The following CNTNAP4 variants were observed in gnomAD, a reference collection of about 807,000 sequenced individuals.
CNTNAP4 encodes the protein contactin associated protein family member 4, also known as contactin-associated protein-like 4.
A neutral mutation model predicts 148.4 loss-of-function variants in CNTNAP4; 98 were observed. The observed-to-expected ratio is 0.66, with a 90% CI of 0.56 to 0.78. The LOEUF is 0.78. Among genes scored for constraint, CNTNAP4 ranks in the 30% least tolerant of loss-of-function variants. The pLI is 0.00. For missense variants in CNTNAP4, 1,935 were observed against 1,565.6 expected (o/e 1.24, Z -3.98); for synonymous variants, 730 against 565.1 (o/e 1.29, Z -4.14).
intron 2 of CNTNAP4, among the ~76,000 whole-genome samples, chr16:76,344,199 C>CAT (rs58551609): frequency 0.033 from 4,951 of 149,588 alleles, 238 homozygotes; most frequent in African/African-American, 0.1. Flanking sequence ...TACATACACA[C>CAT]ATATATATAT....
intron 3 of CNTNAP4, among the ~76,000 whole-genome samples, chr16:76,388,541 C>T (rs2016698648): frequency 6.6e-6 from 1 of 152,132 alleles, no homozygotes; most frequent in African/African-American, 2.4e-5. Context: ...AGGTAAAATG[C>T]ACACAAAGTA....
At chr16:76,433,278 G>A (rs1204594304) in intron 4 of CNTNAP4, among the ~76,000 whole-genome samples, 1 of 152,240 alleles carries the variant, frequency 6.6e-6, no homozygotes, top group African/African-American at 2.4e-5. Flanking sequence ...CAGGAATAAA[G>A]GTTAGCCTAC....
chr16:76,395,104 C>T (rs1041848412), intron 3 of CNTNAP4, among the ~76,000 whole-genome samples: 3 of 152,228 alleles, frequency 2.0e-5, no homozygotes, highest in East Asian at 3.9e-4. Flanking sequence ...TCCCAATGAC[C>T]ATCATGACAA....
intron 15 of CNTNAP4, among the ~76,000 whole-genome samples, chr16:76,517,529 T>A (rs905589000): frequency 2.0e-5 from 3 of 152,238 alleles, no homozygotes; most frequent in African/African-American, 4.8e-5. Context: ...TGCTTCGGCA[T>A]TTCTAAATTT....
At chr16:76,315,155 A>G (rs775676504) in intron 1 of CNTNAP4, among the ~76,000 whole-genome samples, 15 of 152,078 alleles carry the variant, frequency 9.9e-5, no homozygotes, top group Non-Finnish European at 1.9e-4. Flanking sequence ...GCCATTGGGT[A>G]TCTGGTCGTT....
At chr16:76,470,482 A>AATATATATATATATAT (rs67354977) in intron 10 of CNTNAP4, among the ~76,000 whole-genome samples, 32 of 96,988 alleles carry the variant, frequency 3.3e-4, no homozygotes, top group African/African-American at 9.5e-4. Context: ...CTCTACTAAT[A>AATATATATATATATAT]ATATATATAT....
At chr16:76,451,271 C>G (rs913717533) in intron 7 of CNTNAP4, among the ~76,000 whole-genome samples, 2 of 152,152 alleles carry the variant, frequency 1.3e-5, no homozygotes, top group African/African-American at 4.8e-5. Flanking sequence ...CCCAAGCTCT[C>G]TTTTTTGGCT....
At chr16:76,518,487 T>A (rs1219898594) in intron 15 of CNTNAP4, among the ~76,000 whole-genome samples, 1 of 152,290 alleles carries the variant, frequency 6.6e-6, no homozygotes, top group East Asian at 1.9e-4. Context: ...AATGATGTAG[T>A]TTAGAGAATT....
chr16:76,316,955 A>G (rs543929916), intron 2 of CNTNAP4, among the ~76,000 whole-genome samples: 11 of 152,270 alleles, frequency 7.2e-5, no homozygotes, highest in African/African-American at 2.4e-4. Flanking sequence ...GGAACATAAT[A>G]AGATTTTCAT....
In CNTNAP4 at chr16:76,519,035, C is replaced by A. The variant is rs142563324; in HGVS notation, c.2366-2105C>A. On this transcript the variant is annotated intron_variant, in intron 15 of 23. Transcript: ENST00000611870. ...TCCTTTCTCTGAGGTGGCCCAGATT[C>A]TGGTGGGTGTCTCTTAGCACAGGGG... 4.8e-3 allele frequency among the ~76,000 whole-genome samples: 732 copies of A among 152,292 alleles called. 6 individuals carry two copies. The highest frequency in any genetic ancestry group is 0.017 in the African/African-American group (711 of 41,568).
chr16:76,337,735 A>T (rs764251220), intron 2 of CNTNAP4, among the ~76,000 whole-genome samples: 2 of 152,150 alleles, frequency 1.3e-5, no homozygotes, highest in African/African-American at 4.8e-5. Flanking sequence ...CCTTATCTTC[A>T]ACTGCATAAG....
At position 76,397,430 on chromosome 16, in the gene CNTNAP4, T is replaced by G. The variant is rs539759712; in HGVS notation, c.391-30022T>G. 5.3e-5 allele frequency among the ~76,000 whole-genome samples: 8 copies of G among 152,118 alleles called. No homozygotes were observed. In the South Asian group the frequency reaches 1.7e-3, roughly 32 times the overall value. The stretch of plus-strand genomic sequence containing the variant: ...GGGACAAGCAGAAACAGTAACCATT[T>G]TCTCCTTTTCAAGGAGTTAGAGGGC... On this transcript the variant is annotated intron_variant, in intron 3 of 23. Transcript: ENST00000611870.
intron 3 of CNTNAP4, among the ~76,000 whole-genome samples, chr16:76,382,459 C>T (rs2144707909): frequency 6.6e-6 from 1 of 152,116 alleles, no homozygotes; most frequent in African/African-American, 2.4e-5. Flanking sequence ...AAATATTGTG[C>T]TGTGACTCAG....
intron 15 of CNTNAP4, among the ~76,000 whole-genome samples, chr16:76,519,438 T>G (rs893902954): frequency 6.6e-6 from 1 of 152,178 alleles, no homozygotes; most frequent in Non-Finnish European, 1.5e-5. Flanking sequence ...GTCATAATAT[T>G]ACCTAATTTA....
At chr16:76,428,118 T>A (rs1282789460) in intron 4 of CNTNAP4, among the ~76,000 whole-genome samples, 2 of 152,186 alleles carry the variant, frequency 1.3e-5, no homozygotes, top group Non-Finnish European at 2.9e-5. Flanking sequence ...GAATATAACA[T>A]GTGTTTAAAA....
At chr16:76,557,501 A>G (rs561113181) in intron 23 of CNTNAP4, 3 of 152,342 alleles carry the variant, frequency 2.0e-5, no homozygotes, top group African/African-American at 7.2e-5. Context: ...AATGTTAGAA[A>G]GTCTTGCAGT....
chr16:76,462,805 A>G (rs752463694), intron 9 of CNTNAP4, among the ~76,000 whole-genome samples: 6 of 152,256 alleles, frequency 3.9e-5, no homozygotes, highest in Non-Finnish European at 5.9e-5. Flanking sequence ...AACTGCCAGC[A>G]GTAAGACTCA....
At chr16:76,323,031 G>A (rs1962592435) in intron 2 of CNTNAP4, among the ~76,000 whole-genome samples, 1 of 151,856 alleles carries the variant, frequency 6.6e-6, no homozygotes, top group Non-Finnish European at 1.5e-5. Flanking sequence ...ATTATTAGTA[G>A]AGATGGGGTT....
chr16:76,427,743 T>G (rs919529176), intron 4 of CNTNAP4, 144 bp downstream of exon 4: 2 of 618,476 alleles, frequency 3.2e-6, no homozygotes, highest in Admixed American at 7.2e-5. Context: ...TTTTTGTGCA[T>G]GCCTGTACAT....
Sources: allele counts gnomAD v4.1 joint callset (sites outside exome capture counted in the v4.1 genomes callset), GRCh38; gene constraint gnomAD v4.1.1; transcripts MANE v1.5; gene names NCBI Gene and HGNC (gene_info 2026-07-23, HGNC 2026-07-21).